CEBPZ: variants seen among roughly 807,000 people sequenced by gnomAD.
The protein encoded by CEBPZ is CCAAT/enhancer-binding protein zeta.
A neutral mutation model predicts 104.5 loss-of-function variants in CEBPZ; 78 were observed. The observed-to-expected ratio is 0.75, with a 90% CI of 0.62 to 0.90. The LOEUF is 0.90. Ranked by LOEUF, CEBPZ falls within the 40% of genes least tolerant of loss-of-function variation. The pLI is 0.00. For missense variants in CEBPZ, 1,439 were observed against 1,233.5 expected, an observed-to-expected ratio of 1.17 and a Z score of -2.50; for synonymous variants, 470 against 427.0, an observed-to-expected ratio of 1.10 and a Z score of -1.24.
intron 5 of CEBPZ, among the ~76,000 whole-genome samples, chr2:37,217,899 C>T (rs1449150476): frequency 1.2e-5 from 1 of 84,270 alleles, no homozygotes; most frequent in African/African-American, 4.2e-5. Context: ...AAGACTCTGT[C>T]TCAAAAAAAA....
Position 37,231,444 on chromosome 2 carries a change from G to A in CEBPZ, c.124C>T (p.Leu42=), listed in dbSNP as rs767602471. ...NTSEAENGFS[L]EEVLRLGGTK... Reference sequence around the variant, plus strand: ...CCTCCGAGCCGTAACACTTCCTCCAGGGAGAACCCATTCTCGGCTTCACTA... The same window carrying A: ...CCTCCGAGCCGTAACACTTCCTCCAAGGAGAACCCATTCTCGGCTTCACTA... Residue 42 remains leucine (L), a synonymous_variant, in exon 1 of 16, where the codon CTG becomes TTG. Transcript: ENST00000234170. 23 of 1,614,048 alleles carry A rather than the reference G, an allele frequency of 1.4e-5. No homozygotes were observed. In the African/African-American group the frequency reaches 2.7e-4, roughly 19 times the overall value.
At chr2:37,218,257 ACT>A (rs1258187118) in intron 5 of CEBPZ, among the ~76,000 whole-genome samples, 9 of 151,164 alleles carry the variant, frequency 6.0e-5, no homozygotes, top group African/African-American at 2.4e-5. Context: ...ACAGAGCAAG[ACT>A]CTGCCTCAAA....
At chr2:37,205,989 C>T (rs2148339041) in intron 13 of CEBPZ, among the ~76,000 whole-genome samples, 1 of 152,272 alleles carries the variant, frequency 6.6e-6, no homozygotes, top group East Asian at 1.9e-4. Context: ...AAATGCAAGG[C>T]TTTTATAATT....
At chr2:37,210,167 C>T (rs1677675508) in intron 13 of CEBPZ, 1 of 152,144 alleles carries the variant, frequency 6.6e-6, no homozygotes, top group African/African-American at 2.4e-5. Flanking sequence ...AACACTTCTA[C>T]ATTGCTGGTG....
intron 1 of CEBPZ, among the ~76,000 whole-genome samples, chr2:37,230,016 A>G (rs143450002): frequency 3.3e-4 from 50 of 152,216 alleles, no homozygotes; most frequent in African/African-American, 1.1e-3. Flanking sequence ...TTTATACTAC[A>G]TATACACTTA....
At chr2:37,226,205 C>G (rs960318744) in intron 2 of CEBPZ, among the ~76,000 whole-genome samples, 42 of 151,976 alleles carry the variant, frequency 2.8e-4, no homozygotes, top group Non-Finnish European at 4.3e-4. Context: ...TACTTTGTCT[C>G]TGTGTCTTTT....
chr2:37,226,726 C>T (rs1232681900), intron 2 of CEBPZ, among the ~76,000 whole-genome samples: 1 of 152,094 alleles, frequency 6.6e-6, no homozygotes, highest in African/African-American at 2.4e-5. Flanking sequence ...CATTTTCTCA[C>T]AAGATATATC....
chr2:37,227,653 C>T lies in CEBPZ; in HGVS notation c.1540G>A (p.Val514Met), dbSNP rs199873371. 259 of 1,614,086 alleles carry T rather than the reference C, an allele frequency of 1.6e-4. No homozygotes were observed. The highest frequency in any genetic ancestry group is 2.1e-4 in the Non-Finnish European group (253 of 1,180,040). The change falls in exon 2 of 16, where the codon GTG becomes ATG. Residue 514 changes from valine (V) to methionine (M), a missense_variant. Coordinates refer to ENST00000234170, the MANE Select transcript of CEBPZ (RefSeq NM_005760.3). ...VREQIDTLFKVLHIVNFNTSV... is the reference protein window; with the variant it reads ...VREQIDTLFKMLHIVNFNTSV... The stretch of plus-strand genomic sequence containing the variant: ...GTATTAAAATTCACAATATGCAACA[C>T]TTTAAACAGTGTGTCAATCTGCTCC...
chr2:37,228,294 T>A lies in CEBPZ; in HGVS notation c.899A>T (p.Asp300Val), dbSNP rs1226026495. The change falls in exon 2 of 16, where the codon GAC becomes GTC. Residue 300 changes from aspartate to valine, a missense_variant. By Grantham distance (152) the Asp-to-Val change is radical (BLOSUM62 -3). Transcript: ENST00000234170. Reference sequence around the variant, plus strand: ...GCTGAAAATCCTCAGCTTCCGATTGTCTGGCAAAAGGTCTGTGATAAGCAA... The same window carrying A: ...GCTGAAAATCCTCAGCTTCCGATTGACTGGCAAAAGGTCTGTGATAAGCAA... ...KELLITDLLP[D>V]NRKLRIFSQR... 6.2e-7 allele frequency: 1 copy of A among 1,614,096 alleles called. No individual in the cohort carries two copies. The highest frequency in any genetic ancestry group is 1.3e-5 in the African/African-American group (1 of 74,930).
chr2:37,208,584 A>G (rs781590779), intron 13 of CEBPZ, among the ~76,000 whole-genome samples: 2 of 152,196 alleles, frequency 1.3e-5, no homozygotes, highest in African/African-American at 2.4e-5. Context: ...ATTTGACAAA[A>G]TCAAGCATCC....
intron 5 of CEBPZ, among the ~76,000 whole-genome samples, chr2:37,217,680 A>G (rs1229003463): frequency 1.3e-5 from 2 of 151,570 alleles, no homozygotes; most frequent in Non-Finnish European, 2.9e-5. Context: ...AGGTGGGCGG[A>G]TCACGAGGTC....
chr2:37,210,806 G>T, intron 13 of CEBPZ, 193 bp downstream of exon 13: 2 of 473,310 alleles, frequency 4.2e-6, no homozygotes, highest in Non-Finnish European at 7.5e-6. Flanking sequence ...ATGAAAAGAT[G>T]ATCCAGAGAT....
chr2:37,223,380 C>T lies in CEBPZ; in HGVS notation c.1671G>A (p.Leu557=), dbSNP rs1191284404. 1.2e-6 allele frequency: 2 copies of T among 1,614,138 alleles called. No homozygotes were observed. The highest frequency in any genetic ancestry group is 1.7e-5 in the Admixed American group (1 of 60,024). Reference sequence around the variant, plus strand: ...ACATAGCTTGCTTGGAACACGTCATCAACCCTGGATCCAACATCTTCCTGC... The same window carrying T: ...ACATAGCTTGCTTGGAACACGTCATTAACCCTGGATCCAACATCTTCCTGC... ...ALYRKMLDPG[L]MTCSKQAMFL... The change falls in exon 3 of 16, where the codon TTG becomes TTA. Residue 557 remains leucine (L), a synonymous_variant. Transcript: ENST00000234170.
rs905615574 is a variant in CEBPZ at position 37,216,801 on chromosome 2, A to C, written c.2208+183T>G. 3.9e-5 allele frequency among the ~76,000 whole-genome samples: 6 copies of C among 152,192 alleles called. No homozygotes were observed. In the East Asian group the frequency reaches 1.2e-3, roughly 29 times the overall value. On this transcript the variant is annotated intron_variant, in intron 6 of 15. Coordinates refer to ENST00000234170, the MANE Select transcript of CEBPZ (RefSeq NM_005760.3). ...TGGCTTTCAATGTCTTATTGCTTCCACTCATCTCAGAGTGGGAAAAGTTAT... is the reference window on the plus strand; with the variant it reads ...TGGCTTTCAATGTCTTATTGCTTCCCCTCATCTCAGAGTGGGAAAAGTTAT...
rs1664938753 is a variant in CEBPZ at position 37,228,213 on chromosome 2, T to C, written c.980A>G (p.Asp327Gly). ...QLSSGNKDSR[D>G]RRLILWYFEH... is the part of the protein sequence containing the mutation. ...AAAATACCATAATATCAGTCTTCTA[T>C]CTCTTGAGTCCTTGTTGCCACTGGA... The change falls in exon 2 of 16, where the codon GAT (aspartate) becomes GGT (glycine). Residue 327 changes from aspartate to glycine, a missense_variant. By Grantham distance (94) the Asp-to-Gly change is moderately conservative. Transcript: ENST00000234170. The C allele has an allele frequency of 6.2e-7, 1 of 1,614,116 alleles. No homozygotes were observed. Among genetic ancestry groups the C allele is most frequent in the Admixed American group, 1.7e-5 (1 of 60,008 alleles).
chr2:37,223,781 T>G (rs1037567023), intron 2 of CEBPZ, among the ~76,000 whole-genome samples: 8 of 152,118 alleles, frequency 5.3e-5, no homozygotes, highest in African/African-American at 1.4e-4. Flanking sequence ...ATTAGAAGAT[T>G]TGGGTTTTTG....
intron 2 of CEBPZ, among the ~76,000 whole-genome samples, chr2:37,224,851 C>T (rs1027507623): frequency 1.3e-5 from 2 of 152,188 alleles, no homozygotes; most frequent in African/African-American, 4.8e-5. Flanking sequence ...TGTTAAGAAA[C>T]TCCATCTGTG....
intron 10 of CEBPZ, 158 bp downstream of exon 10, chr2:37,213,706 G>A (rs1414204447): frequency 3.6e-6 from 2 of 553,672 alleles, no homozygotes; most frequent in African/African-American, 2.0e-5. Context: ...GAGCCACAGC[G>A]CCTGGCCCCA....
intron 2 of CEBPZ, among the ~76,000 whole-genome samples, chr2:37,224,831 C>A (rs1664845854): frequency 6.6e-6 from 1 of 152,088 alleles, no homozygotes; most frequent in South Asian, 2.1e-4. Flanking sequence ...TTTAAGAAGG[C>A]CTAAAGGCCT....
Sources: gnomAD v4.1 joint callset for allele counts (sites outside exome capture counted in the v4.1 genomes callset) on GRCh38, gnomAD v4.1.1 for gene constraint, MANE v1.5 for transcripts, NCBI Gene and HGNC (gene_info 2026-07-23, HGNC 2026-07-21) for gene names.